SV2C: variants seen among roughly 807,000 people sequenced by gnomAD.
SV2C encodes solute carrier family 22 member B3.
A neutral mutation model predicts 79.7 loss-of-function variants in SV2C; 49 were observed. The ratio of observed to expected loss-of-function variants is 0.61; its 90% CI spans 0.49 to 0.78. The LOEUF (loss-of-function observed/expected upper bound fraction) is 0.78, where lower values mean the gene tolerates loss of function less well. Among genes scored for constraint, SV2C ranks in the 30% least tolerant of loss-of-function variants. The pLI, the probability that SV2C is intolerant of heterozygous loss-of-function variation, is 0.00. For synonymous variants in SV2C, 334 were observed against 333.2 expected (o/e 1.00, Z -0.03); for missense variants, 833 against 912.9 (o/e 0.91, Z 1.13).
chr5:76,193,494 T>C (rs1744169234), intron 2 of SV2C, among the ~76,000 whole-genome samples: 1 of 152,188 alleles, frequency 6.6e-6, no homozygotes, highest in Admixed American at 6.5e-5. Context: ...GGTTTGCACA[T>C]AACAGGGGCT....
downstream of SV2C, among the ~76,000 whole-genome samples, chr5:76,337,938 G>A (rs1214889084): frequency 6.6e-6 from 1 of 152,234 alleles, no homozygotes; most frequent in African/African-American, 2.4e-5. Flanking sequence ...CCTGTCCCCA[G>A]GGGAAGCTTC....
At chr5:76,029,921 C>T in the SV2C span, among the ~76,000 whole-genome samples, 2 of 152,128 alleles carry the variant, frequency 1.3e-5, no homozygotes, top group African/African-American at 4.8e-5. Flanking sequence ...AGAGCAAGTT[C>T]TTGAAGTAGG....
In SV2C at chr5:76,333,563, C is replaced by T. The variant is rs2112579047; in HGVS notation, c.*8016C>T. 1 of 152,260 alleles carries T rather than the reference C, an allele frequency of 6.6e-6. No homozygotes were observed. 9.4% of individuals were successfully genotyped at this position (152,260 alleles called of 1,614,324 possible). A position where few individuals can be genotyped will look rare whatever the true frequency, so the allele number is the denominator to read the frequency against. ...CTGTTTTTAATGCTGTGTAAGATCTCCTGCTATGAATGTTCCAGTTACCCC... is the reference window on the plus strand; with the variant it reads ...CTGTTTTTAATGCTGTGTAAGATCTTCTGCTATGAATGTTCCAGTTACCCC... On this transcript the variant is annotated 3_prime_UTR_variant, in exon 13 of 13. Transcript: ENST00000502798.
the SV2C span, among the ~76,000 whole-genome samples, chr5:75,863,545 G>A: frequency 6.6e-6 from 1 of 152,160 alleles, no homozygotes; most frequent in Non-Finnish European, 1.5e-5. Flanking sequence ...TTATCCATGT[G>A]GAACAATTAG....
chr5:75,890,114 T>C, the SV2C span, among the ~76,000 whole-genome samples: 1 of 152,124 alleles, frequency 6.6e-6, no homozygotes, highest in African/African-American at 2.4e-5. Context: ...TTCAATGCAT[T>C]ATATTTAAAG....
chr5:76,318,455 TATAA>T (rs1748713303), intron 12 of SV2C, among the ~76,000 whole-genome samples: 1 of 151,666 alleles, frequency 6.6e-6, no homozygotes, highest in African/African-American at 2.4e-5. Flanking sequence ...CATGAAACAA[TATAA>T]ATAAACTAGA....
chr5:76,130,816 G>GGA (rs371912242), intron 1 of SV2C, among the ~76,000 whole-genome samples: 3 of 151,894 alleles, frequency 2.0e-5, no homozygotes, highest in East Asian at 1.9e-4. Context: ...AGGGAGAGAG[G>GGA]GAGAGAGAGA....
In SV2C at chr5:76,112,457, G is replaced by C. The variant is rs949118938; in HGVS notation, c.-101-19193G>C. On this transcript the variant is annotated intron_variant, in intron 1 of 12. Transcript: ENST00000502798. ...TCTCAGAGGCCAGTCTGGCTGGCGA[G>C]ACCAGAGAGGAGGCAGGCGAGGCCT... Among the ~76,000 whole-genome samples the C allele has an allele frequency of 2.0e-5, 3 of 152,360 alleles. No individual in the cohort carries two copies. In the South Asian group the frequency reaches 6.2e-4, roughly 32 times the overall value.
chr5:76,047,077 A>T, the SV2C span, among the ~76,000 whole-genome samples: 1 of 152,336 alleles, frequency 6.6e-6, no homozygotes, highest in East Asian at 1.9e-4. Context: ...GTGTCTAATA[A>T]TGGCTTTCTT....
chr5:76,110,942 C>T lies in SV2C; in HGVS notation c.-101-20708C>T, dbSNP rs540450656. On this transcript the variant is annotated intron_variant, in intron 1 of 12. Coordinates refer to ENST00000502798, the MANE Select transcript of SV2C (RefSeq NM_014979.4). Reference sequence around the variant, plus strand: ...ATTTGCTAGAACCGGCTCTGTGTGACTCTGGGCCAGTCGCAATGCATCTCT... The same window carrying T: ...ATTTGCTAGAACCGGCTCTGTGTGATTCTGGGCCAGTCGCAATGCATCTCT... Among the ~76,000 whole-genome samples the T allele has an allele frequency of 3.3e-5, 5 of 152,298 alleles. No homozygotes were observed. The South Asian group carries it at 8.3e-4, about 25-fold the overall frequency.
At chr5:76,085,826 TACACACAC>T (rs34074817) in intron 1 of SV2C, among the ~76,000 whole-genome samples, 93 of 141,968 alleles carry the variant, frequency 6.6e-4, no homozygotes, top group Middle Eastern at 3.6e-3. Context: ...ACAAAGCCCC[TACACACAC>T]ACACACACAC....
chr5:76,274,421 A>AGATATGTTTTATGTATATATATAAAAACT lies in SV2C; in HGVS notation c.914-10715_914-10687dup, dbSNP rs1746961493. On this transcript the variant is annotated intron_variant, in intron 4 of 12. Transcript: ENST00000502798. ...TGGGTTTTCCTCCTAGTCATTTTCTAGATATGTTTTATGTATATATATAAA... is the reference window on the plus strand; with the variant it reads ...TGGGTTTTCCTCCTAGTCATTTTCTAGATATGTTTTATGTATATATATAAAAACTGATATGTTTTATGTATATATATAAA... Among the ~76,000 whole-genome samples, 4 of 152,122 alleles carry AGATATGTTTTATGTATATATATAAAAACT rather than the reference A, an allele frequency of 2.6e-5. 1 individual carries two copies. The highest frequency in any genetic ancestry group is 2.6e-4 in the Admixed American group (4 of 15,256).
chr5:75,969,642 A>G, the SV2C span, among the ~76,000 whole-genome samples: 1 of 152,210 alleles, frequency 6.6e-6, no homozygotes, highest in South Asian at 2.1e-4. Context: ...ATATATATGC[A>G]CCCAATACAG....
At chr5:76,195,433 A>G (rs1243607848) in intron 3 of SV2C, among the ~76,000 whole-genome samples, 1 of 152,196 alleles carries the variant, frequency 6.6e-6, no homozygotes, top group Non-Finnish European at 1.5e-5. Context: ...CTCTCGTCCT[A>G]CCTGTTATGA....
At chr5:76,016,190 G>C in the SV2C span, among the ~76,000 whole-genome samples, 1 of 136,610 alleles carries the variant, frequency 7.3e-6, no homozygotes, top group Non-Finnish European at 1.5e-5. Flanking sequence ...AGCCATCATA[G>C]GAATTACACC....
the SV2C span, among the ~76,000 whole-genome samples, chr5:75,862,903 A>G: frequency 6.6e-6 from 1 of 152,312 alleles, no homozygotes; most frequent in South Asian, 2.1e-4. Flanking sequence ...ATGCTGTGCG[A>G]TGGTGGTACA....
Position 76,291,240 on chromosome 5 carries a change from C to T in SV2C, c.1157C>T (p.Pro386Leu). The change falls in exon 7 of 13, where the codon CCT (proline) becomes CTT (leucine). Residue 386 changes from proline (P) to leucine (L), a missense_variant. Transcript: ENST00000502798. ...CTACAGGTAAACAAAATAAAAACTC[C>T]TAAACAAATAGATGAGCTGATTGAA... ...KVFTVNKIKT[P>L]KQIDELIEIE... 6.2e-7 allele frequency: 1 copy of T among 1,610,778 alleles called. No homozygotes were observed. The highest frequency in any genetic ancestry group is 8.5e-7 in the Non-Finnish European group (1 of 1,178,990).
chr5:76,022,860 A>G, the SV2C span, among the ~76,000 whole-genome samples: 2 of 152,204 alleles, frequency 1.3e-5, no homozygotes, highest in African/African-American at 2.4e-5. Flanking sequence ...TTTCCAATGC[A>G]TATTATCTTT....
At chr5:76,266,181 C>CCCACAGAT (rs1298816519) in intron 4 of SV2C, among the ~76,000 whole-genome samples, 1 of 151,848 alleles carries the variant, frequency 6.6e-6, no homozygotes, top group African/African-American at 2.4e-5. Flanking sequence ...AGTTTCTTTG[C>CCCACAGAT]CCACAGATTG....
Sources: gnomAD v4.1 joint callset for allele counts (sites outside exome capture counted in the v4.1 genomes callset) on GRCh38, gnomAD v4.1.1 for gene constraint, MANE v1.5 for transcripts, NCBI Gene and HGNC (gene_info 2026-07-23, HGNC 2026-07-21) for gene names.